Variants in RBM22 observed in about 807,000 individuals in gnomAD.
RBM22 encodes RNA binding motif protein 22.
RBM22 carries 1 observed loss-of-function variant against 50.1 expected under a neutral mutation model. The ratio of observed to expected loss-of-function variants is 0.02; its 90% CI spans 0.01 to 0.09. The LOEUF (loss-of-function observed/expected upper bound fraction) is 0.09, where lower values mean the gene tolerates loss of function less well. RBM22 is among the 10% of genes least tolerant of loss of function. RBM22 has a pLI of 1.00. For synonymous variants in RBM22, 152 were observed against 179.0 expected, an observed-to-expected ratio of 0.85 and a Z score of 1.20; for missense variants, 264 against 529.3, an observed-to-expected ratio of 0.50 and a Z score of 4.92.
chr5:150,692,181 T>C (rs896210327), intron 10 of RBM22, among the ~76,000 whole-genome samples: 3 of 152,116 alleles, frequency 2.0e-5, no homozygotes, highest in African/African-American at 7.2e-5. Context: ...ATTTGGGAGA[T>C]AAGAAAGAAA....
intron 6 of RBM22, 71 bp from the exon 7 acceptor site, chr5:150,695,777 G>T: frequency 7.7e-7 from 1 of 1,305,098 alleles, no homozygotes; most frequent in Non-Finnish European, 1.1e-6. Context: ...TCCAAGAGTA[G>T]CTACATATTA....
Position 150,701,018 on chromosome 5 carries a change from G to A in RBM22, c.-33C>T, listed in dbSNP as rs780593876. The A allele has an allele frequency of 2.5e-6, 4 of 1,613,248 alleles. No homozygotes were observed. The highest frequency in any genetic ancestry group is 1.1e-5 in the South Asian group (1 of 91,072). Reference sequence around the variant, plus strand: ...GCGTCCGGAGGTAGCTGTAGCTTCCGAATTGGGAGAGAGGACCGCCACAAT... The same window carrying A: ...GCGTCCGGAGGTAGCTGTAGCTTCCAAATTGGGAGAGAGGACCGCCACAAT... On this transcript the variant is annotated 5_prime_UTR_variant, in exon 1 of 11. Coordinates refer to ENST00000199814, the MANE Select transcript of RBM22 (RefSeq NM_018047.3).
chr5:150,699,045 A>G (rs1464203583), intron 3 of RBM22, among the ~76,000 whole-genome samples, 197 bp downstream of exon 3: 1 of 152,182 alleles, frequency 6.6e-6, no homozygotes, highest in East Asian at 1.9e-4. Context: ...ACACCGTAAG[A>G]ATCTCTACAT....
intron 6 of RBM22, 71 bp from the exon 7 acceptor site, chr5:150,695,777 G>A: frequency 7.7e-7 from 1 of 1,305,100 alleles, no homozygotes; most frequent in Non-Finnish European, 1.1e-6. Context: ...TCCAAGAGTA[G>A]CTACATATTA....
At position 150,700,943 on chromosome 5, in the gene RBM22, A is replaced by T; in HGVS notation, c.43T>A (p.Trp15Arg). 1 of 1,614,168 alleles carries T rather than the reference A, an allele frequency of 6.2e-7. No homozygotes were observed. The highest frequency in any genetic ancestry group is 8.5e-7 in the Non-Finnish European group (1 of 1,180,018). The change falls in exon 1 of 11, where the codon TGG (tryptophan) becomes AGG (arginine). Residue 15 changes from tryptophan (W) to arginine (R), a missense_variant. Physicochemically the swap from Trp to Arg is moderately radical, Grantham distance 101 (BLOSUM62 -3). Transcript: ENST00000199814. ...GCAGGCACACTCACCGCATCCTCCCAGTTCTGCCTGTTGTAGGTGTTGGAA... is the reference window on the plus strand; with the variant it reads ...GCAGGCACACTCACCGCATCCTCCCTGTTCTGCCTGTTGTAGGTGTTGGAA... ...LGSNTYNRQN[W>R]EDADFPILCQ...
chr5:150,699,342 T>TA, intron 2 of RBM22, 71 bp from the exon 3 acceptor site: 1 of 1,491,348 alleles, frequency 6.7e-7, no homozygotes, highest in Non-Finnish European at 8.9e-7. Flanking sequence ...ACTCTTTCCT[T>TA]AAACATAACC....
In RBM22 at chr5:150,696,984, C is replaced by A; in HGVS notation, c.272-93G>T. 1 of 1,216,566 alleles carries A rather than the reference C, an allele frequency of 8.2e-7. No homozygotes were observed. The highest frequency in any genetic ancestry group is 2.0e-5 in the Admixed American group (1 of 49,962). 75.4% of individuals were successfully genotyped at this position (1,216,566 alleles called of 1,614,324 possible). ...CAGAATACATCATCTTTCCCTTCTC[C>A]TCTTTCCTATTTAGTACCAGAGACT... On this transcript the variant is annotated intron_variant, in intron 4 of 10. Coordinates refer to ENST00000199814, the MANE Select transcript of RBM22 (RefSeq NM_018047.3). The surrounding 1 kb of genome is among the most constrained non-coding windows in gnomAD (Gnocchi z 4.3).
chr5:150,697,758 T>C (rs185613434), intron 4 of RBM22: 1 of 335,678 alleles, frequency 3.0e-6, no homozygotes, highest in Non-Finnish European at 5.7e-6. Flanking sequence ...TAAAAACTCT[T>C]GTTGAAAAAT....
intron 10 of RBM22, 121 bp downstream of exon 10, chr5:150,692,774 T>C: frequency 8.7e-7 from 1 of 1,151,848 alleles, no homozygotes; most frequent in South Asian, 1.7e-5. Flanking sequence ...AGATCAACTT[T>C]ACTGGTAGAC....
rs1759227235 is a variant in RBM22, at chr5:150,692,911, A to G, written c.1116T>C (p.Ala372=). The change falls in exon 10 of 11, where the codon GCT becomes GCC. Residue 372 remains alanine, a synonymous_variant. Coordinates refer to ENST00000199814, the MANE Select transcript of RBM22 (RefSeq NM_018047.3). ...NIALPPPPGI[A]PPPPPGFGPH... ...GGAAGTTACCTGGGGGTGGGGGTGG[A>G]GCAATGCCAGGGGGCGGTGGCAGAG... 2.5e-6 allele frequency: 4 copies of G among 1,606,898 alleles called. No individual in the cohort carries two copies. The highest frequency in any genetic ancestry group is 1.7e-6 in the Non-Finnish European group (2 of 1,176,972).
At chr5:150,694,406 G>A (rs1490606459) in intron 7 of RBM22, 166 bp from the exon 8 acceptor site, 8 of 1,104,166 alleles carry the variant, frequency 7.2e-6, no homozygotes, top group Non-Finnish European at 8.5e-6. Flanking sequence ...CCTACTGTGG[G>A]TGCTGCTGAT....
rs184128954 is a variant in RBM22, at chr5:150,693,121, G to C, written c.1001-95C>G. The C allele has an allele frequency of 1.2e-4, 188 of 1,546,344 alleles. 1 individual carries two copies. In the African/African-American group the frequency reaches 2.3e-3, roughly 19 times the overall value. On this transcript the variant is annotated intron_variant, in intron 9 of 10. Transcript: ENST00000199814. ...CATTCTCAGAGGTCCTACTGGGAGAGTAGAGCGGCAACATGAACCAGACCT... is the reference window on the plus strand; with the variant it reads ...CATTCTCAGAGGTCCTACTGGGAGACTAGAGCGGCAACATGAACCAGACCT...
At chr5:150,695,980 C>T (rs1300565267) in intron 6 of RBM22, among the ~76,000 whole-genome samples, 1 of 148,192 alleles carries the variant, frequency 6.7e-6, no homozygotes, top group South Asian at 2.2e-4. Flanking sequence ...ACATGATCCA[C>T]CCCCTCCCGC....
chr5:150,696,494 C>G lies in RBM22; in HGVS notation c.545+39G>C. ...ACCTCCCACTTCTTAGATGAGAAAT[C>G]ATCTGAAAGCAAATACTGAAAATGA... On this transcript the variant is annotated intron_variant, in intron 6 of 10. Coordinates refer to ENST00000199814, the MANE Select transcript of RBM22 (RefSeq NM_018047.3). The surrounding 1 kb of genome is among the most constrained non-coding windows in gnomAD (Gnocchi z 4.3). 1 of 1,573,096 alleles carries G rather than the reference C, an allele frequency of 6.4e-7. No homozygotes were observed. The highest frequency in any genetic ancestry group is 8.7e-7 in the Non-Finnish European group (1 of 1,151,838).
intron 4 of RBM22, chr5:150,697,609 CTG>C: frequency 5.3e-6 from 1 of 190,028 alleles, no homozygotes; most frequent in South Asian, 7.4e-5. Context: ...CTAAGGGTCA[CTG>C]TACTCCAGGA....
intron 7 of RBM22, 123 bp from the exon 8 acceptor site, chr5:150,694,363 T>A: frequency 7.1e-7 from 1 of 1,415,408 alleles, no homozygotes; most frequent in Non-Finnish European, 9.3e-7. Context: ...GTTATCTGCC[T>A]AACTACCCGC....
In RBM22 at chr5:150,696,963, A is replaced by T. The variant is rs1581547460; in HGVS notation, c.272-72T>A. The stretch of plus-strand genomic sequence containing the variant: ...TATCCATACTAACCATGCACACAGA[A>T]TACATCATCTTTCCCTTCTCCTCTT... On this transcript the variant is annotated intron_variant, in intron 4 of 10. Transcript: ENST00000199814. This position sits in a 1 kb window ranked among gnomAD's most constrained non-coding sequence, Gnocchi z 4.3. The T allele has an allele frequency of 2.3e-5, 32 of 1,376,310 alleles. No individual in the cohort carries two copies. The highest frequency in any genetic ancestry group is 3.1e-5 in the Non-Finnish European group (30 of 973,272). 85.3% of individuals were successfully genotyped at this position (1,376,310 alleles called of 1,614,324 possible). A position where few individuals can be genotyped will look rare whatever the true frequency, so the allele number is the denominator to read the frequency against.
At chr5:150,692,109 G>A (rs1174281961) in intron 10 of RBM22, among the ~76,000 whole-genome samples, 1 of 152,202 alleles carries the variant, frequency 6.6e-6, no homozygotes, top group Non-Finnish European at 1.5e-5. Context: ...CGCCTAGTAT[G>A]TCATCTGAGT....
intron 10 of RBM22, 48 bp downstream of exon 10, chr5:150,692,845 CAG>C (rs758664942): frequency 6.6e-7 from 1 of 1,524,722 alleles, no homozygotes; most frequent in Non-Finnish European, 8.9e-7. Flanking sequence ...GTTTATGAGA[CAG>C]AACTTTCACA....
Sources: allele counts gnomAD v4.1 joint callset (sites outside exome capture counted in the v4.1 genomes callset), GRCh38; gene constraint gnomAD v4.1.1; non-coding constraint Gnocchi (gnomAD v3.1); transcripts MANE v1.5; gene names NCBI Gene and HGNC (gene_info 2026-07-23, HGNC 2026-07-21).